MGMT: variants seen among roughly 807,000 people sequenced by gnomAD.
MGMT encodes O-6-methylguanine-DNA methyltransferase.
MGMT carries 14 observed loss-of-function variants against 15.9 expected under a neutral mutation model. That is an observed-to-expected ratio of 0.88 (90% CI 0.58 to 1.37). The LOEUF is 1.37. Among genes scored for constraint, MGMT ranks in the 40% most tolerant of loss-of-function variants. MGMT has a pLI of 0.00. For synonymous variants in MGMT, 130 were observed against 118.2 expected (o/e 1.10, Z -0.65); for missense variants, 282 against 268.1 (o/e 1.05, Z -0.36).
At chr10:129,744,747 G>A (rs1000800683) in intron 3 of MGMT, among the ~76,000 whole-genome samples, 14 of 152,212 alleles carry the variant, frequency 9.2e-5, no homozygotes, top group Admixed American at 3.9e-4. Flanking sequence ...CTCCTGGCCC[G>A]CCACATCGCC....
intron 2 of MGMT, among the ~76,000 whole-genome samples, chr10:129,691,518 A>C (rs11016879): frequency 6.6e-6 from 1 of 152,206 alleles, no homozygotes; most frequent in Non-Finnish European, 1.5e-5. Flanking sequence ...AGCAGCCTTC[A>C]AGAGGACAGG....
At chr10:129,692,691 G>A (rs1422008249) in intron 2 of MGMT, among the ~76,000 whole-genome samples, 1 of 152,202 alleles carries the variant, frequency 6.6e-6, no homozygotes, top group African/African-American at 2.4e-5. Flanking sequence ...CATGGCATCT[G>A]GGGCCTCAGC....
intron 1 of MGMT, among the ~76,000 whole-genome samples, chr10:129,517,346 G>C (rs747978873): frequency 2.6e-5 from 4 of 152,222 alleles, no homozygotes; most frequent in Non-Finnish European, 5.9e-5. Flanking sequence ...GCTCCCCAGA[G>C]CACATCGTGA....
At chr10:129,678,426 G>A (rs1025525528) in intron 2 of MGMT, among the ~76,000 whole-genome samples, 2 of 152,114 alleles carry the variant, frequency 1.3e-5, no homozygotes, top group Non-Finnish European at 2.9e-5. Context: ...GGGCTGCCAG[G>A]GCTGGGTGAC....
At chr10:129,637,118 G>A (rs1019069490) in intron 2 of MGMT, among the ~76,000 whole-genome samples, 2 of 152,190 alleles carry the variant, frequency 1.3e-5, no homozygotes, top group African/African-American at 2.4e-5. Context: ...AACATAATGC[G>A]TATCTGAAAA....
At chr10:129,734,267 G>A (rs1225702547) in intron 3 of MGMT, among the ~76,000 whole-genome samples, 1 of 138,722 alleles carries the variant, frequency 7.2e-6, no homozygotes, top group Non-Finnish European at 1.6e-5. Flanking sequence ...CCTTGAAGAG[G>A]TCCTTCACAT....
At chr10:129,636,134 A>G (rs577525093) in intron 2 of MGMT, among the ~76,000 whole-genome samples, 4 of 152,382 alleles carry the variant, frequency 2.6e-5, no homozygotes, top group South Asian at 2.1e-4. Flanking sequence ...ATGAAGTACA[A>G]CGTTCACCTT....
intron 2 of MGMT, among the ~76,000 whole-genome samples, chr10:129,559,808 A>G (rs1846256659): frequency 6.6e-6 from 1 of 152,226 alleles, no homozygotes; most frequent in African/African-American, 2.4e-5. Flanking sequence ...TTTTCTCAAA[A>G]TATACATCTT....
At chr10:129,582,320 G>C (rs891163488) in intron 2 of MGMT, among the ~76,000 whole-genome samples, 1 of 152,224 alleles carries the variant, frequency 6.6e-6, no homozygotes, top group African/African-American at 2.4e-5. Flanking sequence ...TCTGTTGTCA[G>C]TGAATTAGTT....
At chr10:129,705,290 C>T (rs1185229283) in intron 2 of MGMT, among the ~76,000 whole-genome samples, 2 of 152,180 alleles carry the variant, frequency 1.3e-5, no homozygotes, top group Admixed American at 6.5e-5. Context: ...GTGAGTATCC[C>T]AGATGGAATG....
chr10:129,504,438 CAG>C (rs1845604661), intron 1 of MGMT, among the ~76,000 whole-genome samples: 1 of 152,146 alleles, frequency 6.6e-6, no homozygotes, highest in South Asian at 2.1e-4. Flanking sequence ...TTGCAGTAAA[CAG>C]AATTCTAGTT....
chr10:129,533,490 G>T lies in MGMT; in HGVS notation c.-12-2751G>T, dbSNP rs924789650. Among the ~76,000 whole-genome samples the T allele has an allele frequency of 2.6e-5, 4 of 152,298 alleles. No individual in the cohort carries two copies. Among genetic ancestry groups the T allele is most frequent in the Non-Finnish European group, 4.4e-5 (3 of 68,034 alleles). ...CTCCATGGAGAGCGAAACCCAAGCTGGGCTGTTTACTGCCAGTCTGCTGGG... is the reference window on the plus strand; with the variant it reads ...CTCCATGGAGAGCGAAACCCAAGCTTGGCTGTTTACTGCCAGTCTGCTGGG... On this transcript the variant is annotated intron_variant, in intron 1 of 4. Transcript: ENST00000651593. This position sits in a 1 kb window ranked among gnomAD's most constrained non-coding sequence, Gnocchi z 4.5.
At chr10:129,587,658 T>G (rs1589881266) in intron 2 of MGMT, among the ~76,000 whole-genome samples, 1 of 151,538 alleles carries the variant, frequency 6.6e-6, no homozygotes, top group African/African-American at 2.4e-5. Context: ...CCAGCTAATT[T>G]TTATATTTTT....
At chr10:129,758,935 A>T (rs1036869381) in intron 3 of MGMT, among the ~76,000 whole-genome samples, 1 of 152,250 alleles carries the variant, frequency 6.6e-6, no homozygotes, top group Admixed American at 6.5e-5. Flanking sequence ...CCCACGCGGA[A>T]CACGGGAAGA....
At chr10:129,694,858 C>T (rs1012707148) in intron 2 of MGMT, among the ~76,000 whole-genome samples, 9 of 152,154 alleles carry the variant, frequency 5.9e-5, no homozygotes, top group African/African-American at 2.2e-4. Context: ...AAACTGAAAA[C>T]CCTGAGTTTC....
chr10:129,688,608 G>A (rs1847936395), intron 2 of MGMT, among the ~76,000 whole-genome samples: 1 of 152,088 alleles, frequency 6.6e-6, no homozygotes, highest in Non-Finnish European at 1.5e-5. Flanking sequence ...TGTCAGATGG[G>A]TAGATTGCAA....
intron 2 of MGMT, among the ~76,000 whole-genome samples, chr10:129,704,352 C>T (rs543116190): frequency 6.6e-6 from 1 of 152,104 alleles, no homozygotes. Context: ...GCCCGGCTTC[C>T]CCCAGGGCCT....
intron 1 of MGMT, among the ~76,000 whole-genome samples, chr10:129,499,974 T>C (rs1845559082): frequency 6.6e-6 from 1 of 152,240 alleles, no homozygotes; most frequent in Admixed American, 6.5e-5. Flanking sequence ...TATAACCGAC[T>C]GAAAAATAAT....
intron 3 of MGMT, among the ~76,000 whole-genome samples, chr10:129,753,195 A>G (rs938193026): frequency 2.0e-5 from 3 of 152,170 alleles, no homozygotes; most frequent in South Asian, 2.1e-4. Context: ...AGAATTCCAC[A>G]TTCAAATGAC....
Sources: allele counts gnomAD v4.1 joint callset (sites outside exome capture counted in the v4.1 genomes callset), GRCh38; gene constraint gnomAD v4.1.1; non-coding constraint Gnocchi (gnomAD v3.1); transcripts MANE v1.5; gene names NCBI Gene and HGNC (gene_info 2026-07-23, HGNC 2026-07-21).